CCDC154: variants seen among roughly 807,000 people sequenced by gnomAD.
CCDC154 encodes the protein coiled-coil domain containing 154.
A neutral mutation model predicts 87.5 loss-of-function variants in CCDC154; 91 were observed. That is an observed-to-expected ratio of 1.04 (90% CI 0.88 to 1.24). CCDC154 has a LOEUF of 1.24. Among genes scored for constraint, CCDC154 ranks in the 50% most tolerant of loss-of-function variants. The probability of loss-of-function intolerance (pLI) is 0.00; values close to 1 mark genes in which losing one functional copy is unlikely to be tolerated. For missense variants in CCDC154, 903 were observed against 879.2 expected (o/e 1.03, Z -0.34); for synonymous variants, 418 against 400.4 (o/e 1.04, Z -0.52).
chr16:1,438,406 C>G (rs1224949504), intron 9 of CCDC154: 1 of 730,108 alleles, frequency 1.4e-6, no homozygotes, highest in Non-Finnish European at 2.2e-6. Context: ...ATGGCCACAG[C>G]TGAGTGCCCC....
In CCDC154 at chr16:1,434,462, G is replaced by A. The variant is rs553930818; in HGVS notation, c.1950C>T (p.Pro650=). Reference sequence around the variant, plus strand: ...GCTGCTGCACCTGCTCCTGGCTGTGGGGCTTCTCCAGGACCCCTCCTGGCC... The same window carrying A: ...GCTGCTGCACCTGCTCCTGGCTGTGAGGCTTCTCCAGGACCCCTCCTGGCC... ...LRRPGGVLEK[P]HSQEQVQQLT... Residue 650 remains proline (P), a synonymous_variant, in exon 17 of 17, where the codon CCC becomes CCT. Transcript: ENST00000389176. 6.5e-6 allele frequency: 10 copies of A among 1,550,256 alleles called. No homozygotes were observed. In the East Asian group the frequency reaches 7.3e-5, roughly 11 times the overall value.
At position 1,443,793 on chromosome 16, in the gene CCDC154, C is replaced by T. The variant is rs780305754; in HGVS notation, c.224+3G>A. 7.7e-7 allele frequency: 1 copy of T among 1,305,170 alleles called. No homozygotes were observed. Among genetic ancestry groups the T allele is most frequent in the South Asian group, 1.2e-5 (1 of 81,042 alleles). 80.8% of individuals were successfully genotyped at this position (1,305,170 alleles called of 1,614,324 possible). ...CCCCGCCAGCACCCCCTGCAGGGCT[C>T]ACCACTGCTCCAGCTGGTTCCAGTG... On this transcript the variant is annotated splice_donor_region_variant and intron_variant, in intron 2 of 16. Transcript: ENST00000389176.
rs752373459 is a variant in CCDC154 at position 1,443,854 on chromosome 16, A to C, written c.166T>G (p.Ser56Ala). Residue 56 changes from serine (S) to alanine (A), a missense_variant, in exon 2 of 17, where the codon TCC becomes GCC. By Grantham distance (99) the Ser-to-Ala change is moderately conservative (BLOSUM62 1). Transcript: ENST00000389176. Reference protein sequence around the residue: ...SERYESSHPTSTASVPEQDTA... With the variant: ...SERYESSHPTATASVPEQDTA... ...TCCTGCTCGGGGACAGAGGCCGTGG[A>C]TGTCGGATGGCTGGACTCATACCTC... The C allele has an allele frequency of 1.5e-6, 2 of 1,304,316 alleles. No individual in the cohort carries two copies. Among genetic ancestry groups the C allele is most frequent in the South Asian group, 2.5e-5 (2 of 81,032 alleles). 80.8% of individuals were successfully genotyped at this position (1,304,316 alleles called of 1,614,324 possible). A position where few individuals can be genotyped will look rare whatever the true frequency, so the allele number is the denominator to read the frequency against.
chr16:1,435,091 G>C lies in CCDC154; in HGVS notation c.1690C>G (p.Leu564Val). ...QNLRFNTEAR[L>V]RTQEMATLWE... ...CCGGCCGGGCAAGGCCTCCTCACCA[G>C]CCGGGCCTCAGTGTTGAACCTGAGG... The change falls in exon 15 of 17, where the codon CTG becomes GTG. Residue 564 changes from leucine (L) to valine (V), a missense_variant and splice_region_variant. Physicochemically the swap from Leu to Val is conservative, Grantham distance 32 (BLOSUM62 1). Transcript: ENST00000389176. 6.5e-7 allele frequency: 1 copy of C among 1,549,234 alleles called. No individual in the cohort carries two copies. Among genetic ancestry groups the C allele is most frequent in the Non-Finnish European group, 8.7e-7 (1 of 1,146,648 alleles).
In CCDC154 at chr16:1,443,801, C is replaced by T. The variant is rs1286158293; in HGVS notation, c.219G>A (p.Glu73=). 3 of 1,305,030 alleles carry T rather than the reference C, an allele frequency of 2.3e-6. No individual in the cohort carries two copies. The Admixed American group carries it at 6.9e-5, about 30-fold the overall frequency. The allele number at this position is 1,305,030 out of a possible 1,614,324, so 80.8% of individuals were successfully genotyped here. A position where few individuals can be genotyped will look rare whatever the true frequency, so the allele number is the denominator to read the frequency against. Residue 73 remains glutamate, a synonymous_variant, in exon 2 of 17, where the codon GAG becomes GAA. Coordinates refer to ENST00000389176, the MANE Select transcript of CCDC154 (RefSeq NM_001143980.3). The part of the protein sequence containing the change: ...QDTAKHWNQL[E]QWVVELQAEV... ...GCACCCCCTGCAGGGCTCACCACTGCTCCAGCTGGTTCCAGTGCTTGGCGG... is the reference window on the plus strand; with the variant it reads ...GCACCCCCTGCAGGGCTCACCACTGTTCCAGCTGGTTCCAGTGCTTGGCGG...
rs980716363 is a variant in CCDC154 at position 1,434,861 on chromosome 16, C to CGG, written c.1693-11_1693-10dup. The CGG allele has an allele frequency of 6.7e-6, 10 of 1,489,484 alleles. No individual in the cohort carries two copies. In the Admixed American group the frequency reaches 2.2e-4, roughly 32 times the overall value. 92.3% of individuals were successfully genotyped at this position (1,489,484 alleles called of 1,614,324 possible). A position where few individuals can be genotyped will look rare whatever the true frequency, so the allele number is the denominator to read the frequency against. On this transcript the variant is annotated splice_polypyrimidine_tract_variant and intron_variant, in intron 15 of 16. Transcript: ENST00000389176. ...GCCATCTCCTGCGTGCGCTGTGGGA[C>CGG]GGGGATGCTGGTGTCACCCAGGAGC...
chr16:1,438,490 C>T, intron 9 of CCDC154, 129 bp downstream of exon 9: 1 of 911,244 alleles, frequency 1.1e-6, no homozygotes, highest in East Asian at 2.6e-5. Context: ...AGCTGCAGCC[C>T]TCGGGGTCGA....
At chr16:1,442,316 G>A in intron 6 of CCDC154, 90 bp downstream of exon 6, 1 of 1,367,768 alleles carries the variant, frequency 7.3e-7, no homozygotes, top group Admixed American at 3.1e-5. Flanking sequence ...ATGGTGAACG[G>A]CCGCTGTATC....
Position 1,442,888 on chromosome 16 carries a change from G to A in CCDC154, c.543C>T (p.Ala181=), listed in dbSNP as rs1222744891. ...EAERRGAEQE[A]GLRLAKLTDL... ...GGGCGGTGGGCGCCCACCTGAGGCC[G>A]GCCTCTTGCTCGGCGCCCCTTCTCT... The change falls in exon 5 of 17, where the codon GCC becomes GCT. Residue 181 remains alanine, a synonymous_variant. Transcript: ENST00000389176. The A allele has an allele frequency of 1.6e-5, 25 of 1,547,140 alleles. No homozygotes were observed. The highest frequency in any genetic ancestry group is 9.5e-5 in the South Asian group (8 of 84,020).
rs1459511964 is a variant in CCDC154, at chr16:1,442,934, C to T, written c.497G>A (p.Arg166Lys). Residue 166 changes from arginine to lysine, a missense_variant, in exon 5 of 17, where the codon AGG becomes AAG. By Grantham distance (26) the Arg-to-Lys change is conservative. Coordinates refer to ENST00000389176, the MANE Select transcript of CCDC154 (RefSeq NM_001143980.3). ...TCTCTCCGCCTCCTGTTGCACCTGC[C>T]TCCTCCTGAGCCGGGTCAAGGCTTC... ...VREALTRLRR[R>K]QVQQEAERRG... 6.5e-7 allele frequency: 1 copy of T among 1,550,080 alleles called. No individual in the cohort carries two copies. The highest frequency in any genetic ancestry group is 1.4e-5 in the African/African-American group (1 of 73,186).
In CCDC154 at chr16:1,441,634, G is replaced by A. The variant is rs566274243; in HGVS notation, c.675+772C>T. Among the ~76,000 whole-genome samples the A allele has an allele frequency of 2.0e-5, 3 of 152,330 alleles. No homozygotes were observed. In the East Asian group the frequency reaches 5.8e-4, roughly 29 times the overall value. ...CAGGGAAAGGTGGAGCCCGAGAGTG[G>A]CCGTGGAAGGGGCTTCGGGGCTGCG... is the stretch of plus-strand genomic sequence containing the variant. On this transcript the variant is annotated intron_variant, in intron 6 of 16. Coordinates refer to ENST00000389176, the MANE Select transcript of CCDC154 (RefSeq NM_001143980.3).
chr16:1,436,307 G>T, intron 13 of CCDC154, 138 bp downstream of exon 13: 1 of 898,028 alleles, frequency 1.1e-6, no homozygotes, highest in Non-Finnish European at 1.7e-6. Flanking sequence ...GGTGAGCCCG[G>T]TGCTGGGCCA....
rs563531904 is a variant in CCDC154 at position 1,435,079 on chromosome 16, G to C, written c.1692+10C>G. The C allele has an allele frequency of 5.8e-6, 9 of 1,548,100 alleles. No individual in the cohort carries two copies. In the East Asian group the frequency reaches 2.0e-4, roughly 34 times the overall value. On this transcript the variant is annotated intron_variant, in intron 15 of 16. Coordinates refer to ENST00000389176, the MANE Select transcript of CCDC154 (RefSeq NM_001143980.3). The stretch of plus-strand genomic sequence containing the variant: ...AGCTGGGCGGTGCCGGCCGGGCAAG[G>C]CCTCCTCACCAGCCGGGCCTCAGTG...
At chr16:1,439,453 G>A (rs1424845970) in intron 6 of CCDC154, 2 of 380,740 alleles carry the variant, frequency 5.3e-6, no homozygotes, top group South Asian at 3.5e-5. Context: ...CAGGAGTGTC[G>A]TGCAGGTGTC....
At chr16:1,439,150 G>C in intron 6 of CCDC154, 24 bp from the exon 7 acceptor site, 1 of 1,542,078 alleles carries the variant, frequency 6.5e-7, no homozygotes, top group Non-Finnish European at 8.8e-7. Context: ...ACATTGTCCC[G>C]TGTGCAGCCT....
At position 1,444,329 on chromosome 16, in the gene CCDC154, T is replaced by G; in HGVS notation, c.-7A>C. ...CGCTCTGGTCACCTGACATGGCTGC[T>G]GGGCTGCACCGGCCACCCTGCCCTC... On this transcript the variant is annotated 5_prime_UTR_variant, in exon 1 of 17. Coordinates refer to ENST00000389176, the MANE Select transcript of CCDC154 (RefSeq NM_001143980.3). The G allele has an allele frequency of 7.7e-7, 1 of 1,302,064 alleles. No homozygotes were observed. The highest frequency in any genetic ancestry group is 1.0e-6 in the Non-Finnish European group (1 of 988,846). The allele number at this position is 1,302,064 out of a possible 1,614,324, so 80.7% of individuals were successfully genotyped here.
At position 1,437,938 on chromosome 16, in the gene CCDC154, C is replaced by T. The variant is rs1358649108; in HGVS notation, c.1169G>A (p.Arg390Gln). Residue 390 changes from arginine to glutamine, a missense_variant, in exon 11 of 17, where the codon CGG (arginine) becomes CAG (glutamine). Arg to Gln is a conservative substitution (Grantham distance 43). Transcript: ENST00000389176. Reference protein sequence around the residue: ...GELVLLREKSRALEASVAQLA... With the variant: ...GELVLLREKSQALEASVAQLA... ...CTGCGCCACGGATGCCTCCAGAGCC[C>T]GGCTCTTCTCTCGGAGCTGCAGGGG... is the stretch of plus-strand genomic sequence containing the variant. 18 of 1,546,404 alleles carry T rather than the reference C, an allele frequency of 1.2e-5. No individual in the cohort carries two copies. The East Asian group carries it at 1.7e-4, about 15-fold the overall frequency.
chr16:1,435,087 A>C lies in CCDC154; in HGVS notation c.1692+2T>G. The C allele has an allele frequency of 6.5e-7, 1 of 1,548,850 alleles. No homozygotes were observed. The highest frequency in any genetic ancestry group is 8.7e-7 in the Non-Finnish European group (1 of 1,146,528). The stretch of plus-strand genomic sequence containing the variant: ...GGTGCCGGCCGGGCAAGGCCTCCTC[A>C]CCAGCCGGGCCTCAGTGTTGAACCT... On this transcript the variant is annotated splice_donor_variant, in intron 15 of 16. Coordinates refer to ENST00000389176, the MANE Select transcript of CCDC154 (RefSeq NM_001143980.3). LOFTEE classifies it high-confidence loss of function.
chr16:1,436,607 A>G, intron 12 of CCDC154, 85 bp downstream of exon 12: 1 of 1,545,740 alleles, frequency 6.5e-7, no homozygotes, highest in Non-Finnish European at 8.7e-7. Context: ...GAGAGGGAGG[A>G]GGGGAGAGGA....
Sources: gnomAD v4.1 joint callset for allele counts (sites outside exome capture counted in the v4.1 genomes callset) on GRCh38, gnomAD v4.1.1 for gene constraint, MANE v1.5 for transcripts, NCBI Gene and HGNC (gene_info 2026-07-23, HGNC 2026-07-21) for gene names.